SORCS2: variants seen among roughly 807,000 people sequenced by gnomAD.
SORCS2 encodes sortilin related VPS10 domain containing receptor 2, also known as VPS10 domain-containing receptor SorCS2.
In SORCS2, 100 loss-of-function variants were observed where a neutral mutation model predicts 141.6. The ratio of observed to expected loss-of-function variants is 0.71; its 90% CI spans 0.60 to 0.83. The LOEUF (loss-of-function observed/expected upper bound fraction) is 0.83. Among genes scored for constraint, SORCS2 ranks in the 40% least tolerant of loss-of-function variants. The probability of loss-of-function intolerance (pLI) is 0.00; values close to 1 mark genes in which losing one functional copy is unlikely to be tolerated. For synonymous variants in SORCS2, 789 were observed against 676.9 expected (o/e 1.17, Z -2.57); for missense variants, 1,646 against 1,560.2 (o/e 1.05, Z -0.93).
At chr4:7,264,428 G>C (rs955776572) in intron 1 of SORCS2, among the ~76,000 whole-genome samples, 1 of 152,122 alleles carries the variant, frequency 6.6e-6, no homozygotes, top group Non-Finnish European at 1.5e-5. Flanking sequence ...CCCCTAGCTG[G>C]CCTGGCCTTA....
intron 3 of SORCS2, 80 bp from the exon 4 acceptor site, chr4:7,638,248 G>A (rs1560445877): frequency 1.4e-6 from 2 of 1,455,004 alleles, no homozygotes; most frequent in Non-Finnish European, 1.8e-6. Flanking sequence ...GGCGCACCTG[G>A]CCCAGGCCTC....
chr4:7,561,611 C>T (rs376248223), intron 3 of SORCS2, among the ~76,000 whole-genome samples: 1 of 141,116 alleles, frequency 7.1e-6, no homozygotes, highest in Non-Finnish European at 1.5e-5. Context: ...CATCTATCTA[C>T]CCATCCGTCT....
intron 3 of SORCS2, among the ~76,000 whole-genome samples, chr4:7,603,928 A>G (rs1717894898): frequency 6.6e-6 from 1 of 152,186 alleles, no homozygotes; most frequent in South Asian, 2.1e-4. Context: ...TTTGGGAGAT[A>G]TTTTTAGTTT....
chr4:7,706,296 C>T (rs111587397), intron 14 of SORCS2, among the ~76,000 whole-genome samples: 4,305 of 15,544 alleles, frequency 0.28, 615 homozygotes, highest in South Asian at 0.42. Context: ...GGCTGGGCTC[C>T]GTCTGGGCAG....
At chr4:7,366,109 G>T (rs1721866924) in intron 1 of SORCS2, among the ~76,000 whole-genome samples, 1 of 152,154 alleles carries the variant, frequency 6.6e-6, no homozygotes, top group Non-Finnish European at 1.5e-5. Context: ...GGGGGTGGGG[G>T]GTGGTGGCAC....
At chr4:7,364,117 AC>A (rs1479440420) in intron 1 of SORCS2, among the ~76,000 whole-genome samples, 2 of 140,724 alleles carry the variant, frequency 1.4e-5, no homozygotes, top group Non-Finnish European at 3.2e-5. Context: ...TGTCACCATC[AC>A]CACCACCACC....
intron 3 of SORCS2, among the ~76,000 whole-genome samples, chr4:7,539,147 A>AC (rs1403704327): frequency 6.6e-6 from 1 of 151,578 alleles, no homozygotes. Context: ...CCCTGTCACC[A>AC]CCCCCCAAAG....
At chr4:7,603,568 T>G (rs1406712569) in intron 3 of SORCS2, among the ~76,000 whole-genome samples, 4 of 152,248 alleles carry the variant, frequency 2.6e-5, no homozygotes, top group Non-Finnish European at 4.4e-5. Context: ...CTTTGGTTCC[T>G]ATTCATATTT....
Position 7,260,813 on chromosome 4 carries a change from G to A in SORCS2, c.480+67687G>A, listed in dbSNP as rs560712865. 9.7e-4 allele frequency among the ~76,000 whole-genome samples: 147 copies of A among 152,280 alleles called. 1 individual carries two copies. Among genetic ancestry groups the A allele is most frequent in the African/African-American group, 3.2e-3 (135 of 41,550 alleles). On this transcript the variant is annotated intron_variant, in intron 1 of 26. Coordinates refer to ENST00000507866, the MANE Select transcript of SORCS2 (RefSeq NM_020777.3). ...CGCTGGAGACACAGTGGTGAAAGCC[G>A]GGAAGACATGGTGTGACCCTCTTCC...
intron 2 of SORCS2, among the ~76,000 whole-genome samples, chr4:7,474,446 G>A (rs770403861): frequency 6.6e-5 from 10 of 152,196 alleles, no homozygotes; most frequent in African/African-American, 9.7e-5. Context: ...TATTGGACAC[G>A]TCTTTACCAG....
intron 2 of SORCS2, among the ~76,000 whole-genome samples, chr4:7,500,243 T>C (rs1306046443): frequency 6.6e-6 from 1 of 151,590 alleles, no homozygotes; most frequent in Non-Finnish European, 1.5e-5. Flanking sequence ...CCCCCGGGAG[T>C]GTGGGAGGTC....
intron 1 of SORCS2, among the ~76,000 whole-genome samples, chr4:7,331,473 C>G (rs1719652001): frequency 6.6e-6 from 1 of 152,144 alleles, no homozygotes; most frequent in African/African-American, 2.4e-5. Context: ...GAGGTACGGA[C>G]TGCGGTCCCC....
intron 2 of SORCS2, among the ~76,000 whole-genome samples, chr4:7,489,235 G>T (rs1432789726): frequency 1.3e-5 from 2 of 152,184 alleles, no homozygotes; most frequent in Admixed American, 6.5e-5. Flanking sequence ...AGCTGGAACT[G>T]GTTGCCTAGA....
At chr4:7,502,620 C>G (rs1367140222) in intron 2 of SORCS2, among the ~76,000 whole-genome samples, 1 of 152,208 alleles carries the variant, frequency 6.6e-6, no homozygotes, top group African/African-American at 2.4e-5. Flanking sequence ...CCCATAACTC[C>G]CACTTCCCGT....
chr4:7,418,317 C>T (rs534712563), intron 2 of SORCS2, among the ~76,000 whole-genome samples: 1 of 152,160 alleles, frequency 6.6e-6, no homozygotes, highest in Non-Finnish European at 1.5e-5. Context: ...GGAAGTGCTG[C>T]GGAAGTGCAC....
In SORCS2 at chr4:7,447,848, G is replaced by A. The variant is rs190231618; in HGVS notation, c.548+51493G>A. ...ACAGATGGGAGCATTCTGCATGTGC[G>A]TTTTGGGTTACTGAGAGAAGTGAAA... is the stretch of plus-strand genomic sequence containing the variant. On this transcript the variant is annotated intron_variant, in intron 2 of 26. Transcript: ENST00000507866. Among the ~76,000 whole-genome samples, 23 of 152,322 alleles carry A rather than the reference G, an allele frequency of 1.5e-4. 1 individual carries two copies. Among genetic ancestry groups the A allele is most frequent in the Admixed American group, 4.6e-4 (7 of 15,302 alleles).
At chr4:7,444,952 C>T (rs921238518) in intron 2 of SORCS2, among the ~76,000 whole-genome samples, 3 of 152,244 alleles carry the variant, frequency 2.0e-5, no homozygotes, top group African/African-American at 7.2e-5. Flanking sequence ...AGGAGGCGAC[C>T]CAGGCAGGCA....
chr4:7,649,467 G>A (rs1377148001), intron 4 of SORCS2, among the ~76,000 whole-genome samples: 2 of 152,114 alleles, frequency 1.3e-5, no homozygotes, highest in Non-Finnish European at 2.9e-5. Flanking sequence ...CTGCAGGACC[G>A]AGGGCTGAGA....
At chr4:7,569,117 T>C (rs1715209244) in intron 3 of SORCS2, among the ~76,000 whole-genome samples, 2 of 152,326 alleles carry the variant, frequency 1.3e-5, no homozygotes, top group South Asian at 4.1e-4. Context: ...TTTCCAGGAC[T>C]GTGCCATTGC....
Sources: gnomAD v4.1 joint callset for allele counts (sites outside exome capture counted in the v4.1 genomes callset) on GRCh38, gnomAD v4.1.1 for gene constraint, MANE v1.5 for transcripts, NCBI Gene and HGNC (gene_info 2026-07-23, HGNC 2026-07-21) for gene names.